The following TMEM255A variants were observed in gnomAD, a reference collection of about 807,000 sequenced individuals.
TMEM255A encodes the protein transmembrane protein 255A.
A neutral mutation model predicts 23.5 loss-of-function variants in TMEM255A; 14 were observed. That is an observed-to-expected ratio of 0.60 (90% CI 0.39 to 0.93). The LOEUF (loss-of-function observed/expected upper bound fraction) is 0.93. Ranked by LOEUF, TMEM255A falls within the 40% of genes least tolerant of loss-of-function variation. TMEM255A has a pLI of 0.00. For missense variants in TMEM255A, 233 were observed against 261.7 expected (o/e 0.89, Z 0.76); for synonymous variants, 104 against 100.3 (o/e 1.04, Z -0.22).
At chrX:120,296,076 T>C (rs1259081908) in intron 2 of TMEM255A, among the ~76,000 whole-genome samples, 3 of 111,803 alleles carry the variant, frequency 2.7e-5, no homozygotes, top group Non-Finnish European at 3.8e-5. Flanking sequence ...CTGGGCCACT[T>C]GTTGAGTTGA....
intron 7 of TMEM255A, chrX:120,273,655 CAT>C (rs2057776925): frequency 8.8e-6 from 1 of 113,908 alleles, no homozygotes; most frequent in Non-Finnish European, 1.8e-5. Flanking sequence ...TGCACACAAA[CAT>C]ATAAAAAGAT....
At chrX:120,252,247 G>A in the TMEM255A span, among the ~76,000 whole-genome samples, 1 of 111,075 alleles carries the variant, frequency 9.0e-6, no homozygotes, top group South Asian at 3.8e-4. Flanking sequence ...CAAAGGGAGA[G>A]AATATTAATA....
At chrX:120,281,221 TCAATAAA>T (rs782463208) in intron 6 of TMEM255A, among the ~76,000 whole-genome samples, 3 of 112,071 alleles carry the variant, frequency 2.7e-5, no homozygotes, top group Non-Finnish European at 1.9e-5. Flanking sequence ...TTAAAGGTCG[TCAATAAA>T]TACTCGGTGA....
At chrX:120,274,455 C>T (rs540818671) in intron 7 of TMEM255A, among the ~76,000 whole-genome samples, 17 of 111,619 alleles carry the variant, frequency 1.5e-4, no homozygotes, top group African/African-American at 4.9e-4. Context: ...TGAGGGAAAA[C>T]GGGACTAAAG....
Position 120,259,732 on chromosome X carries a change from C to T in TMEM255A, c.*1138G>A, listed in dbSNP as rs1457234020. 3 of 112,136 alleles carry T rather than the reference C, an allele frequency of 2.7e-5. No homozygotes were observed. Among genetic ancestry groups the T allele is most frequent in the Non-Finnish European group, 5.6e-5 (3 of 53,159 alleles). The allele number at this position is 112,136 out of a possible 1,213,427, so 9.2% of individuals were successfully genotyped here. A position where few individuals can be genotyped will look rare whatever the true frequency, so the allele number is the denominator to read the frequency against. On this transcript the variant is annotated 3_prime_UTR_variant, in exon 9 of 9. Coordinates refer to ENST00000371369, the MANE Select transcript of TMEM255A (RefSeq NM_001104544.3). ...GCTATGTGTAATTAAAAGAACTGTA[C>T]AAATACCTACCACGGTGTGCCAGAT...
At chrX:120,282,201 C>G (rs782425535) in intron 6 of TMEM255A, among the ~76,000 whole-genome samples, 2 of 111,621 alleles carry the variant, frequency 1.8e-5, no homozygotes, top group South Asian at 7.6e-4. Flanking sequence ...GGAAAAAGCC[C>G]CAGGTCAAGA....
intron 7 of TMEM255A, among the ~76,000 whole-genome samples, chrX:120,269,594 C>T (rs986222979): frequency 9.0e-6 from 1 of 111,663 alleles, no homozygotes; most frequent in Admixed American, 9.5e-5. Flanking sequence ...TTGCTCTCTT[C>T]CTTGGAGTGG....
At chrX:120,254,779 G>A, downstream of TMEM255A, 1 of 1,211,715 alleles carries the variant, frequency 8.3e-7, no homozygotes, top group Non-Finnish European at 1.1e-6. Flanking sequence ...CCTGATGAAG[G>A]GGAGGCCAGA....
chrX:120,291,592 A>T (rs1556022989), intron 3 of TMEM255A, among the ~76,000 whole-genome samples: 1 of 103,511 alleles, frequency 9.7e-6, no homozygotes, highest in Non-Finnish European at 2.0e-5. Flanking sequence ...AATGAAGAGG[A>T]GGCTTGCTGG....
At chrX:120,295,270 C>T (rs782443729) in intron 2 of TMEM255A, among the ~76,000 whole-genome samples, 191 of 111,680 alleles carry the variant, frequency 1.7e-3, no homozygotes, top group Non-Finnish European at 3.1e-3. Context: ...TTTCCATCTG[C>T]AGCCTTACTT....
chrX:120,292,159 A>G (rs1282443399), intron 3 of TMEM255A, among the ~76,000 whole-genome samples: 1 of 111,319 alleles, frequency 9.0e-6, no homozygotes, highest in Admixed American at 9.6e-5. Context: ...ACATATAAAA[A>G]CTTTCAAGTA....
downstream of TMEM255A, chrX:120,255,645 A>G: frequency 2.6e-6 from 1 of 382,713 alleles, no homozygotes; most frequent in Non-Finnish European, 4.6e-6. Context: ...ATCTGTTTAT[A>G]TAGTTAGTTT....
intron 1 of TMEM255A, among the ~76,000 whole-genome samples, chrX:120,308,844 T>C (rs574912244): frequency 1.4e-3 from 154 of 112,887 alleles, no homozygotes; most frequent in South Asian, 5.1e-3. Flanking sequence ...ACTCTGAGCC[T>C]TGGACGCACT....
intron 6 of TMEM255A, among the ~76,000 whole-genome samples, chrX:120,282,796 A>G (rs2057846011): frequency 8.9e-6 from 1 of 112,449 alleles, no homozygotes; most frequent in Admixed American, 9.4e-5. Flanking sequence ...ACTCAGCTAA[A>G]TGGAATTTAA....
intron 5 of TMEM255A, chrX:120,285,736 A>C: frequency 8.3e-7 from 1 of 1,207,283 alleles, no homozygotes; most frequent in Non-Finnish European, 1.1e-6. Flanking sequence ...CCAGGGTTAC[A>C]AGTGAACCTA....
At position 120,311,423 on chromosome X, in the gene TMEM255A, T is replaced by G; in HGVS notation, c.-114A>C. ...TGCCTCTCTCGGTCCTTCCGAGAGCTGAGAGACACTGCCTCTGGTTGCGAG... is the reference window on the plus strand; with the variant it reads ...TGCCTCTCTCGGTCCTTCCGAGAGCGGAGAGACACTGCCTCTGGTTGCGAG... On this transcript the variant is annotated 5_prime_UTR_variant, in exon 1 of 9. Transcript: ENST00000371369. 1.7e-6 allele frequency: 1 copy of G among 585,440 alleles called. No homozygotes were observed. The highest frequency in any genetic ancestry group is 2.9e-6 in the Non-Finnish European group (1 of 348,706). 48.2% of individuals were successfully genotyped at this position (585,440 alleles called of 1,213,427 possible).
At chrX:120,287,972 T>G (rs2057888980) in intron 4 of TMEM255A, among the ~76,000 whole-genome samples, 1 of 111,310 alleles carries the variant, frequency 9.0e-6, no homozygotes, top group Non-Finnish European at 1.9e-5. Context: ...CAGGGCTGCC[T>G]GGAAGCTTGC....
chrX:120,291,747 G>A (rs1196396904), intron 3 of TMEM255A, among the ~76,000 whole-genome samples: 1 of 108,015 alleles, frequency 9.3e-6, no homozygotes, highest in Admixed American at 1.0e-4. Context: ...GGGAAATGGT[G>A]TGCCCAGGGT....
intron 7 of TMEM255A, among the ~76,000 whole-genome samples, chrX:120,274,109 G>A (rs1366246301): frequency 8.9e-6 from 1 of 112,115 alleles, no homozygotes; most frequent in Non-Finnish European, 1.9e-5. Context: ...ATGCTACAAG[G>A]TAGATGAATT....
Sources: gnomAD v4.1 joint callset for allele counts (sites outside exome capture counted in the v4.1 genomes callset) on GRCh38, gnomAD v4.1.1 for gene constraint, MANE v1.5 for transcripts, NCBI Gene and HGNC (gene_info 2026-07-23, HGNC 2026-07-21) for gene names.